Variants in SH3D19 observed in about 807,000 individuals in gnomAD.
SH3D19 encodes the protein SH3 domain containing 19.
In SH3D19, 58 loss-of-function variants were observed where a neutral mutation model predicts 112.1. The ratio of observed to expected loss-of-function variants is 0.52; its 90% confidence interval spans 0.42 to 0.64. SH3D19 has a LOEUF of 0.64. Among genes scored for constraint, SH3D19 ranks in the 30% least tolerant of loss-of-function variants. The pLI, the probability that SH3D19 is intolerant of heterozygous loss-of-function variation, is 0.00. For synonymous variants in SH3D19, 391 were observed against 448.5 expected (o/e 0.87, Z 1.62); for missense variants, 1,090 against 1,263.4 (o/e 0.86, Z 2.08).
chr4:151,280,808 T>TA (rs891400469), intron 1 of SH3D19, among the ~76,000 whole-genome samples: 6 of 150,766 alleles, frequency 4.0e-5, no homozygotes, highest in African/African-American at 1.5e-4. Flanking sequence ...AAATTAAGTT[T>TA]AAAAAAAAAC....
chr4:151,283,184 G>C (rs746097297), intron 1 of SH3D19: 8 of 1,613,882 alleles, frequency 5.0e-6, no homozygotes, highest in Non-Finnish European at 5.1e-6. Flanking sequence ...CTTGTGAACA[G>C]CTCTACAATC....
intron 2 of SH3D19, among the ~76,000 whole-genome samples, chr4:151,204,635 T>C (rs1282469481): frequency 6.6e-6 from 1 of 152,212 alleles, no homozygotes; most frequent in Non-Finnish European, 1.5e-5. Flanking sequence ...GATTCATCAA[T>C]GTTTCATGGA....
At chr4:151,167,925 G>A (rs1758383812) in intron 7 of SH3D19, among the ~76,000 whole-genome samples, 1 of 152,256 alleles carries the variant, frequency 6.6e-6, no homozygotes, top group Admixed American at 6.5e-5. Flanking sequence ...CCCGGCCGCT[G>A]TGCAACCTTC....
intron 2 of SH3D19, among the ~76,000 whole-genome samples, chr4:151,200,872 A>T (rs1764299126): frequency 6.6e-6 from 1 of 152,206 alleles, no homozygotes; most frequent in Non-Finnish European, 1.5e-5. Context: ...TTTCACGTTT[A>T]TCTTACTCAT....
intron 1 of SH3D19, among the ~76,000 whole-genome samples, chr4:151,313,659 T>C (rs972407876): frequency 6.6e-6 from 1 of 152,128 alleles, no homozygotes; most frequent in Non-Finnish European, 1.5e-5. Context: ...TACAATAACA[T>C]TCCTTATTCC....
At chr4:151,301,821 C>A (rs1376817016) in intron 1 of SH3D19, among the ~76,000 whole-genome samples, 1 of 152,180 alleles carries the variant, frequency 6.6e-6, no homozygotes, top group Non-Finnish European at 1.5e-5. Context: ...AGGCACATTA[C>A]ATTCTTACAT....
At chr4:151,168,918 A>G (rs1410361623) in intron 7 of SH3D19, among the ~76,000 whole-genome samples, 2 of 151,674 alleles carry the variant, frequency 1.3e-5, no homozygotes, top group Non-Finnish European at 3.0e-5. Context: ...ACACACTCAC[A>G]TTTCACAAGT....
At chr4:151,258,607 C>G (rs1207626843) in intron 1 of SH3D19, among the ~76,000 whole-genome samples, 1 of 152,194 alleles carries the variant, frequency 6.6e-6, no homozygotes, top group African/African-American at 2.4e-5. Flanking sequence ...CCATCACCCA[C>G]CCTCAGGCTG....
chr4:151,225,948 A>G (rs1334312680), intron 2 of SH3D19, 99 bp downstream of exon 2: 36 of 741,866 alleles, frequency 4.9e-5, no homozygotes, highest in Non-Finnish European at 5.0e-5. Context: ...GAAGATTCCA[A>G]TAGACAGTAA....
intron 7 of SH3D19, among the ~76,000 whole-genome samples, chr4:151,171,380 A>G (rs1759020886): frequency 6.6e-6 from 1 of 152,162 alleles, no homozygotes; most frequent in African/African-American, 2.4e-5. Flanking sequence ...CTACAGAAAA[A>G]CAAAAAACAA....
At chr4:151,177,100 G>C in intron 4 of SH3D19, 145 bp from the exon 5 acceptor site, 1 of 599,558 alleles carries the variant, frequency 1.7e-6, no homozygotes, top group Non-Finnish European at 2.4e-6. Flanking sequence ...TGTCAGGCCT[G>C]GGCTGTCTCT....
At chr4:151,198,035 G>T (rs1763731316) in intron 2 of SH3D19, among the ~76,000 whole-genome samples, 1 of 151,982 alleles carries the variant, frequency 6.6e-6, no homozygotes, top group Admixed American at 6.6e-5. Flanking sequence ...GCCAGGTGCG[G>T]TGGCTCATGC....
intron 1 of SH3D19, among the ~76,000 whole-genome samples, chr4:151,306,145 T>C (rs1728889854): frequency 6.6e-6 from 1 of 152,216 alleles, no homozygotes; most frequent in Non-Finnish European, 1.5e-5. Flanking sequence ...CAGGTCTGAC[T>C]ACAAAGTCAG....
At chr4:151,156,072 G>A (rs1286041332) in intron 9 of SH3D19, among the ~76,000 whole-genome samples, 1 of 152,024 alleles carries the variant, frequency 6.6e-6, no homozygotes, top group Admixed American at 6.6e-5. Context: ...TCCTATTTAC[G>A]ATAGCTACAA....
chr4:151,174,599 A>G (rs1759615139), intron 7 of SH3D19, 71 bp downstream of exon 7: 2 of 1,419,826 alleles, frequency 1.4e-6, no homozygotes, highest in Non-Finnish European at 1.9e-6. Flanking sequence ...CCAGAAACTA[A>G]AACAGCAAGT....
At chr4:151,284,331 T>C (rs1712608525) in intron 1 of SH3D19, among the ~76,000 whole-genome samples, 1 of 152,226 alleles carries the variant, frequency 6.6e-6, no homozygotes, top group African/African-American at 2.4e-5. Flanking sequence ...TGCCTCTTTC[T>C]GCTGTCATTT....
At chr4:151,156,294 G>C (rs1579841303) in intron 9 of SH3D19, among the ~76,000 whole-genome samples, 2 of 151,876 alleles carry the variant, frequency 1.3e-5, no homozygotes, top group African/African-American at 4.8e-5. Context: ...AAATACAAAT[G>C]ACATTCTTTA....
chr4:151,145,588 C>T (rs2149770627), intron 11 of SH3D19, among the ~76,000 whole-genome samples: 1 of 152,308 alleles, frequency 6.6e-6, no homozygotes, highest in African/African-American at 2.4e-5. Flanking sequence ...TGGAATGAGC[C>T]CGCCTGCACC....
At chr4:151,135,739 C>T (rs1338145688) in intron 14 of SH3D19, among the ~76,000 whole-genome samples, 4 of 152,004 alleles carry the variant, frequency 2.6e-5, no homozygotes, top group African/African-American at 4.8e-5. Context: ...AGCTCTATAC[C>T]ATATTTTCCA....
Sources: gnomAD v4.1 joint callset for allele counts (sites outside exome capture counted in the v4.1 genomes callset) on GRCh38, gnomAD v4.1.1 for gene constraint, MANE v1.5 for transcripts, NCBI Gene and HGNC (gene_info 2026-07-23, HGNC 2026-07-21) for gene names.